The following SNX18 variants were observed in gnomAD, a reference collection of about 807,000 sequenced individuals.
SNX18 encodes the protein sorting nexin-18.
A neutral mutation model predicts 48.7 loss-of-function variants in SNX18; 35 were observed. The ratio of observed to expected loss-of-function variants is 0.72; its 90% CI spans 0.55 to 0.95. SNX18 has a LOEUF of 0.95. Ranked by LOEUF, SNX18 falls within the 40% of genes least tolerant of loss-of-function variation. SNX18 has a pLI of 0.00. For synonymous variants in SNX18, 492 were observed against 384.7 expected, an observed-to-expected ratio of 1.28 and a Z score of -3.26; for missense variants, 824 against 871.0, an observed-to-expected ratio of 0.95 and a Z score of 0.68.
intron 1 of SNX18, among the ~76,000 whole-genome samples, chr5:54,539,820 G>A (rs1336103288): frequency 9.0e-6 from 1 of 110,550 alleles, no homozygotes; most frequent in Non-Finnish European, 1.9e-5. Flanking sequence ...TGAGTCTTTG[G>A]GTTTTTTTGT....
At chr5:54,589,630 TG>T in the SNX18 span, among the ~76,000 whole-genome samples, 1 of 152,190 alleles carries the variant, frequency 6.6e-6, no homozygotes, top group Non-Finnish European at 1.5e-5. Context: ...CCAAACTCTA[TG>T]GGGGTGCCCA....
At chr5:54,607,344 AC>A in the SNX18 span, among the ~76,000 whole-genome samples, 2 of 151,890 alleles carry the variant, frequency 1.3e-5, no homozygotes, top group Admixed American at 1.3e-4. Context: ...CTGCTCTCTT[AC>A]GCTGTTTTTG....
chr5:54,535,112 T>C lies in SNX18; in HGVS notation c.1622-8067T>C, dbSNP rs546774402. On this transcript the variant is annotated intron_variant, in intron 1 of 1. Transcript: ENST00000381410. The stretch of plus-strand genomic sequence containing the variant: ...TTTTGTTTTCATTGTTTTATATTCA[T>C]TGCAAACATGAGTAACATAATTCCT... 1.1e-4 allele frequency among the ~76,000 whole-genome samples: 16 copies of C among 152,350 alleles called. 1 individual carries two copies. The East Asian group carries it at 3.1e-3, about 29-fold the overall frequency.
chr5:54,541,666 A>T (rs1283509847), intron 1 of SNX18, among the ~76,000 whole-genome samples: 3 of 152,064 alleles, frequency 2.0e-5, no homozygotes, highest in Non-Finnish European at 4.4e-5. Context: ...TTGTTTCAGG[A>T]CTTTGCTGCT....
the SNX18 span, among the ~76,000 whole-genome samples, chr5:54,591,776 T>C: frequency 6.6e-6 from 1 of 152,332 alleles, no homozygotes; most frequent in African/African-American, 2.4e-5. Flanking sequence ...TGCATACAAA[T>C]GTGTTTTTAG....
At chr5:54,638,474 A>G in the SNX18 span, among the ~76,000 whole-genome samples, 30,098 of 152,194 alleles carry the variant, frequency 0.2, 3,370 homozygotes, top group East Asian at 0.3. Flanking sequence ...AACTTGAGAC[A>G]GCTGAATAAT....
intron 1 of SNX18, among the ~76,000 whole-genome samples, chr5:54,535,615 GGATGCCCTGCTTGGAA>G (rs1762338907): frequency 6.6e-6 from 1 of 152,118 alleles, no homozygotes; most frequent in Non-Finnish European, 1.5e-5. Flanking sequence ...TCCTGAATGA[GGATGCCCTGCTTGGAA>G]GGGAGAATGG....
the SNX18 span, among the ~76,000 whole-genome samples, chr5:54,569,866 G>A: frequency 3.3e-3 from 497 of 152,290 alleles, 1 homozygote; most frequent in Non-Finnish European, 5.5e-3. Flanking sequence ...AGATTCATGG[G>A]GAGGGGGCAA....
At chr5:54,519,889 AGGG>A in intron 1 of SNX18, 1 of 1,475,556 alleles carries the variant, frequency 6.8e-7, no homozygotes, top group Middle Eastern at 2.3e-4. Context: ...TCTTGAGACG[AGGG>A]TAGAATTAGA....
chr5:54,640,940 G>A, the SNX18 span, among the ~76,000 whole-genome samples: 1 of 152,138 alleles, frequency 6.6e-6, no homozygotes, highest in Non-Finnish European at 1.5e-5. Flanking sequence ...CATGCCTGTA[G>A]TCCCAGATAC....
At chr5:54,619,115 T>C in the SNX18 span, among the ~76,000 whole-genome samples, 1 of 152,002 alleles carries the variant, frequency 6.6e-6, no homozygotes, top group Non-Finnish European at 1.5e-5. Context: ...TTCTAAGATA[T>C]AAGTATAATC....
intron 1 of SNX18, chr5:54,520,122 G>A (rs970510980): frequency 3.8e-5 from 13 of 345,786 alleles, no homozygotes; most frequent in Admixed American, 2.2e-4. Context: ...CAACCTTTAC[G>A]AAGTGAAGTA....
At chr5:54,519,667 CAT>C in intron 1 of SNX18, 94 bp downstream of exon 1, 8 of 1,614,162 alleles carry the variant, frequency 5.0e-6, no homozygotes, top group South Asian at 3.3e-5. Context: ...GTTTCAGAAT[CAT>C]ATTCTACAGG....
the SNX18 span, among the ~76,000 whole-genome samples, chr5:54,626,097 ACTTAAGCTAC>A: frequency 6.6e-6 from 1 of 152,214 alleles, no homozygotes; most frequent in Non-Finnish European, 1.5e-5. Context: ...GCTTAAGCTA[ACTTAAGCTAC>A]CTTAAGCTGG....
chr5:54,585,014 A>G, the SNX18 span, among the ~76,000 whole-genome samples: 2 of 152,206 alleles, frequency 1.3e-5, no homozygotes, highest in African/African-American at 4.8e-5. Flanking sequence ...ATCACAGGCC[A>G]GGCATGATGG....
chr5:54,575,179 G>A, the SNX18 span, among the ~76,000 whole-genome samples: 7 of 151,976 alleles, frequency 4.6e-5, no homozygotes, highest in African/African-American at 7.3e-5. Context: ...GAGTCCTGAC[G>A]TATCTTGGGA....
the SNX18 span, among the ~76,000 whole-genome samples, chr5:54,607,591 C>T: frequency 6.6e-6 from 1 of 152,158 alleles, no homozygotes; most frequent in African/African-American, 2.4e-5. Context: ...TAACCATTCA[C>T]CTGTTGAAGG....
chr5:54,521,289 A>C (rs982922741), intron 1 of SNX18, among the ~76,000 whole-genome samples: 3 of 152,168 alleles, frequency 2.0e-5, no homozygotes, highest in African/African-American at 7.2e-5. Flanking sequence ...ATTCACTGTC[A>C]ATCACACCAT....
Position 54,519,078 on chromosome 5 carries a change from C to G in SNX18, c.1126C>G (p.Gln376Glu). 3.1e-6 allele frequency: 5 copies of G among 1,613,974 alleles called. No homozygotes were observed. Among genetic ancestry groups the G allele is most frequent in the Non-Finnish European group, 4.2e-6 (5 of 1,180,006 alleles). Residue 376 changes from glutamine to glutamate, a missense_variant, in exon 1 of 2, where the codon CAG becomes GAG. Gln to Glu is a conservative substitution (Grantham distance 29, BLOSUM62 2). This residue lies in a region of SNX18 where 443 missense variants were observed against 503.6 expected (regional missense o/e 0.88). Transcript: ENST00000381410. ...AGTGCTGGCGCAGTGCGACGTCTTC[C>G]AGCACTTCCTGACGTGCCCCAGCAG... is the stretch of plus-strand genomic sequence containing the variant. ...HPVLAQCDVF[Q>E]HFLTCPSSTD...
Sources: allele counts gnomAD v4.1 joint callset (sites outside exome capture counted in the v4.1 genomes callset), GRCh38; gene constraint gnomAD v4.1.1; regional missense constraint gnomAD v4.1.1; transcripts MANE v1.5; gene names NCBI Gene and HGNC (gene_info 2026-07-23, HGNC 2026-07-21).